The following FAM227B variants were observed in gnomAD, a reference collection of about 807,000 sequenced individuals.
FAM227B encodes the protein family with sequence similarity 227 member B.
FAM227B carries 88 observed loss-of-function variants against 73.8 expected under a neutral mutation model. The ratio of observed to expected loss-of-function variants is 1.19; its 90% CI spans 1.00 to 1.42. FAM227B has a LOEUF of 1.42. FAM227B is among the 40% of genes most tolerant of loss of function. The pLI is 0.00. For missense variants in FAM227B, 632 were observed against 590.9 expected (o/e 1.07, Z -0.72); for synonymous variants, 210 against 190.5 (o/e 1.10, Z -0.84).
intron 11 of FAM227B, among the ~76,000 whole-genome samples, chr15:49,498,641 A>C (rs562751874): frequency 6.6e-6 from 1 of 152,348 alleles, no homozygotes; most frequent in South Asian, 2.1e-4. Flanking sequence ...AAAATATATA[A>C]TACACTTTCA....
intron 5 of FAM227B, among the ~76,000 whole-genome samples, chr15:49,586,505 A>G (rs1224127490): frequency 6.6e-6 from 1 of 152,204 alleles, no homozygotes; most frequent in Admixed American, 6.6e-5. Context: ...AAAAATGGCA[A>G]ATGCAATTGC....
At chr15:49,500,340 A>T (rs7183313) in intron 11 of FAM227B, among the ~76,000 whole-genome samples, 1 of 152,292 alleles carries the variant, frequency 6.6e-6, no homozygotes, top group East Asian at 1.9e-4. Context: ...ATAACCTGTG[A>T]GAGCAGCTGT....
intron 11 of FAM227B, among the ~76,000 whole-genome samples, chr15:49,373,729 A>G (rs2045987508): frequency 6.6e-6 from 1 of 152,130 alleles, no homozygotes; most frequent in South Asian, 2.1e-4. Flanking sequence ...ATTGCTATCC[A>G]CTTTTACAGT....
intron 11 of FAM227B, chr15:49,424,661 C>A: frequency 2.6e-6 from 3 of 1,134,606 alleles, no homozygotes; most frequent in East Asian, 2.6e-5. Context: ...GTTTTCTCAT[C>A]TTCCTTTTGC....
intron 3 of FAM227B, among the ~76,000 whole-genome samples, chr15:49,591,278 T>A (rs117860662): frequency 0.12 from 18,281 of 149,804 alleles, 1,405 homozygotes; most frequent in East Asian, 0.36. Flanking sequence ...GTTTGTGTTA[T>A]CCAGGATGGT....
At chr15:49,534,887 G>A (rs148753848) in intron 10 of FAM227B, among the ~76,000 whole-genome samples, 22 of 151,478 alleles carry the variant, frequency 1.5e-4, no homozygotes, top group African/African-American at 4.1e-4. Context: ...AAGAAAAATC[G>A]GAACAAAGGA....
intron 6 of FAM227B, 37 bp downstream of exon 6, chr15:49,577,592 T>G (rs749349083): frequency 3.8e-6 from 5 of 1,319,306 alleles, no homozygotes; most frequent in Non-Finnish European, 5.4e-6. Flanking sequence ...CATAATACAC[T>G]TGATATACAA....
At chr15:49,471,537 C>A (rs551927028) in intron 11 of FAM227B, among the ~76,000 whole-genome samples, 231 of 143,180 alleles carry the variant, frequency 1.6e-3, no homozygotes, top group Non-Finnish European at 2.8e-3. Context: ...AATAATATGG[C>A]AAATGTAATG....
chr15:49,331,943 T>G, intron 14 of FAM227B, 94 bp from the exon 15 acceptor site: 1 of 764,302 alleles, frequency 1.3e-6, no homozygotes, highest in Non-Finnish European at 2.3e-6. Flanking sequence ...TTTAATATGC[T>G]GGGCATTCGT....
chr15:49,545,028 G>T (rs1241080292), intron 9 of FAM227B, among the ~76,000 whole-genome samples: 6 of 152,014 alleles, frequency 3.9e-5, no homozygotes, highest in African/African-American at 1.4e-4. Flanking sequence ...TAGAATTAGG[G>T]AAGAGTCCCT....
intron 11 of FAM227B, among the ~76,000 whole-genome samples, chr15:49,449,596 C>T (rs1282842759): frequency 1.3e-5 from 2 of 152,002 alleles, no homozygotes; most frequent in Non-Finnish European, 2.9e-5. Context: ...TCTATTAAGG[C>T]AGCCAAGGTT....
At chr15:49,490,912 T>C (rs1352935503) in intron 11 of FAM227B, among the ~76,000 whole-genome samples, 1 of 151,996 alleles carries the variant, frequency 6.6e-6, no homozygotes, top group Non-Finnish European at 1.5e-5. Flanking sequence ...TTTATGAAGA[T>C]AAATATGAAC....
intron 1 of FAM227B, among the ~76,000 whole-genome samples, chr15:49,618,760 T>C (rs1028444377): frequency 6.6e-6 from 1 of 152,142 alleles, no homozygotes; most frequent in Admixed American, 6.5e-5. Flanking sequence ...GAAACTGCAA[T>C]GTAAGTATAT....
rs1207888568 is a variant in FAM227B at position 49,329,725 on chromosome 15, C to T, written c.1420-1050G>A. On this transcript the variant is annotated intron_variant, in intron 15 of 15. Coordinates refer to ENST00000299338, the MANE Select transcript of FAM227B (RefSeq NM_152647.3). ...ACCTGAATTTATTTAAATTTATAAT[C>T]CTTTATTTTTTAATACCGTGCCATT... is the stretch of plus-strand genomic sequence containing the variant. The T allele has an allele frequency of 3.1e-6, 3 of 971,778 alleles. No homozygotes were observed. In the South Asian group the frequency reaches 1.4e-4, roughly 46 times the overall value. 60.2% of individuals were successfully genotyped at this position (971,778 alleles called of 1,614,324 possible). A position where few individuals can be genotyped will look rare whatever the true frequency, so the allele number is the denominator to read the frequency against.
chr15:49,575,646 C>G (rs994971208), intron 7 of FAM227B, among the ~76,000 whole-genome samples: 2 of 152,024 alleles, frequency 1.3e-5, no homozygotes, highest in Admixed American at 1.3e-4. Flanking sequence ...ATTTCATATG[C>G]TCAATAATCA....
chr15:49,383,904 T>C (rs1178760222), intron 11 of FAM227B, among the ~76,000 whole-genome samples: 1 of 152,056 alleles, frequency 6.6e-6, no homozygotes, highest in Non-Finnish European at 1.5e-5. Flanking sequence ...CCATTTGTCA[T>C]TCTCCCCCCA....
At chr15:49,494,077 A>C (rs747735713) in intron 11 of FAM227B, among the ~76,000 whole-genome samples, 16 of 151,986 alleles carry the variant, frequency 1.1e-4, no homozygotes, top group Non-Finnish European at 2.2e-4. Context: ...TAGCTGACAG[A>C]CTGTCAAGAA....
chr15:49,547,019 G>C (rs557428995), intron 9 of FAM227B, among the ~76,000 whole-genome samples: 95 of 152,168 alleles, frequency 6.2e-4, no homozygotes, highest in Admixed American at 4.1e-3. Context: ...AAATGTTAAG[G>C]GCAGCCAGAG....
At chr15:49,424,210 A>T (rs911558916) in intron 11 of FAM227B, 1 of 1,163,048 alleles carries the variant, frequency 8.6e-7, no homozygotes, top group Non-Finnish European at 1.2e-6. Flanking sequence ...ATTCACAGAT[A>T]GGAAGAGGTC....
Sources: allele counts gnomAD v4.1 joint callset (sites outside exome capture counted in the v4.1 genomes callset), GRCh38; gene constraint gnomAD v4.1.1; transcripts MANE v1.5; gene names NCBI Gene and HGNC (gene_info 2026-07-23, HGNC 2026-07-21).